Variants in NFYC observed in about 807,000 individuals in gnomAD.
NFYC encodes the protein nuclear transcription factor Y subunit gamma.
NFYC carries 25 observed loss-of-function variants against 53.1 expected under a neutral mutation model. The observed-to-expected ratio is 0.47, with a 90% CI of 0.34 to 0.66. NFYC has a LOEUF of 0.66. Ranked by LOEUF, NFYC falls within the 30% of genes least tolerant of loss-of-function variation. NFYC has a pLI of 0.01. For synonymous variants in NFYC, 145 were observed against 152.6 expected, an observed-to-expected ratio of 0.95 and a Z score of 0.37; for missense variants, 260 against 422.7, an observed-to-expected ratio of 0.62 and a Z score of 3.38.
chr1:40,771,493 T>G lies in NFYC; in HGVS notation c.*665T>G, dbSNP rs1481648517. On this transcript the variant is annotated 3_prime_UTR_variant, in exon 10 of 10. Transcript: ENST00000447388. ...AGGGACCCAGGAAACTAGGACTTTG[T>G]GTGTTTGCTGCCCACCTCCCTTTTA... 2.4e-5 allele frequency: 11 copies of G among 466,464 alleles called. No homozygotes were observed. Among genetic ancestry groups the G allele is most frequent in the African/African-American group, 1.2e-4 (6 of 49,828 alleles). The allele number at this position is 466,464 out of a possible 1,614,324, so 28.9% of individuals were successfully genotyped here.
intron 2 of NFYC, among the ~76,000 whole-genome samples, chr1:40,740,829 A>G (rs1207792432): frequency 1.3e-5 from 2 of 151,998 alleles, no homozygotes; most frequent in African/African-American, 4.8e-5. Flanking sequence ...CCGCAGCTTG[A>G]GCCGAGAGGC....
intron 1 of NFYC, among the ~76,000 whole-genome samples, chr1:40,730,320 C>T (rs1383117591): frequency 6.7e-6 from 1 of 149,182 alleles, no homozygotes; most frequent in Non-Finnish European, 1.5e-5. Context: ...GGATTACAGG[C>T]GTGAGCCACC....
intron 2 of NFYC, among the ~76,000 whole-genome samples, chr1:40,747,183 T>C (rs954047860): frequency 1.6e-5 from 2 of 126,052 alleles, no homozygotes; most frequent in Admixed American, 8.1e-5. Flanking sequence ...TATTGCAGAC[T>C]GGTAAACTTA....
chr1:40,692,038 C>G (rs1240354336), intron 1 of NFYC, 171 bp downstream of exon 1: 1 of 189,836 alleles, frequency 5.3e-6, no homozygotes, highest in Non-Finnish European at 1.2e-5. Context: ...CCGCTGCTGT[C>G]GCCGCCGCCG....
intron 1 of NFYC, among the ~76,000 whole-genome samples, chr1:40,699,377 A>G (rs1643321093): frequency 1.3e-5 from 2 of 152,224 alleles, no homozygotes; most frequent in South Asian, 4.1e-4. Flanking sequence ...TTAAGAAGAT[A>G]TATCCCTTTG....
chr1:40,706,655 T>TA (rs1186717166), intron 1 of NFYC, among the ~76,000 whole-genome samples: 3 of 150,892 alleles, frequency 2.0e-5, no homozygotes, highest in Middle Eastern at 3.4e-3. Flanking sequence ...AATGTGTTGC[T>TA]AAAAAAAAAT....
chr1:40,697,167 A>C (rs916074894), intron 1 of NFYC, among the ~76,000 whole-genome samples: 1 of 152,222 alleles, frequency 6.6e-6, no homozygotes, highest in East Asian at 1.9e-4. Flanking sequence ...AAATGAATAT[A>C]ATAGCGTGTG....
intron 1 of NFYC, among the ~76,000 whole-genome samples, chr1:40,703,374 C>T (rs765920446): frequency 6.7e-6 from 1 of 149,362 alleles, no homozygotes; most frequent in African/African-American, 2.5e-5. Flanking sequence ...TGCCTGTGCT[C>T]CTAGTTATTC....
At chr1:40,707,849 C>CAAAA (rs56325253) in intron 1 of NFYC, among the ~76,000 whole-genome samples, 2 of 99,478 alleles carry the variant, frequency 2.0e-5, no homozygotes, top group Non-Finnish European at 4.0e-5. Flanking sequence ...GACCCTATCT[C>CAAAA]AAAAAAAAAA....
intron 4 of NFYC, among the ~76,000 whole-genome samples, chr1:40,750,208 A>C (rs575824904): frequency 6.6e-6 from 1 of 151,868 alleles, no homozygotes; most frequent in South Asian, 2.1e-4. Context: ...CTGTATGCAG[A>C]GCCCTTGGTC....
Position 40,757,413 on chromosome 1 carries a change from C to T in NFYC, c.388-708C>T, listed in dbSNP as rs113261605. 2.3e-3 allele frequency: 1,194 copies of T among 524,224 alleles called. 12 individuals carry two copies. Among genetic ancestry groups the T allele is most frequent in the African/African-American group, 0.021 (1,075 of 51,976 alleles). 32.5% of individuals were successfully genotyped at this position (524,224 alleles called of 1,614,324 possible). ...AAGGAACAGTCTCCACTCCGCAGAT[C>T]GGACAGAATGCGACCTCCCTAATCA... On this transcript the variant is annotated intron_variant, in intron 5 of 9. Coordinates refer to ENST00000447388, the MANE Select transcript of NFYC (RefSeq NM_014223.5).
chr1:40,730,372 T>TC (rs1352292440), intron 1 of NFYC, among the ~76,000 whole-genome samples: 2 of 152,064 alleles, frequency 1.3e-5, no homozygotes, highest in African/African-American at 2.4e-5. Flanking sequence ...GTGAGACTGT[T>TC]CTTTTACTTG....
intron 1 of NFYC, among the ~76,000 whole-genome samples, chr1:40,721,930 G>C (rs1644343460): frequency 1.3e-5 from 2 of 152,096 alleles, no homozygotes; most frequent in Admixed American, 1.3e-4. Flanking sequence ...CAGCACTTTG[G>C]GAGGCCAAGG....
chr1:40,716,052 G>A (rs556658667), intron 1 of NFYC, among the ~76,000 whole-genome samples: 1 of 152,146 alleles, frequency 6.6e-6, no homozygotes, highest in South Asian at 2.1e-4. Flanking sequence ...ATTTTCTTCT[G>A]TCTACCTAAG....
At chr1:40,713,327 G>C (rs1644006121) in intron 1 of NFYC, among the ~76,000 whole-genome samples, 3 of 152,222 alleles carry the variant, frequency 2.0e-5, no homozygotes, top group Non-Finnish European at 4.4e-5. Flanking sequence ...TATTCAGACA[G>C]AATGAGGTTT....
Position 40,718,342 on chromosome 1 carries a change from T to C in NFYC, c.-8-20494T>C, listed in dbSNP as rs188868226. Among the ~76,000 whole-genome samples the C allele has an allele frequency of 1.3e-4, 20 of 152,366 alleles. No individual in the cohort carries two copies. The East Asian group carries it at 3.9e-3, about 29-fold the overall frequency. On this transcript the variant is annotated intron_variant, in intron 1 of 9. Coordinates refer to ENST00000447388, the MANE Select transcript of NFYC (RefSeq NM_014223.5). ...CCTAGTGACAAAGGCTTTTGCTCTTTATACTGCACTTTCTTACCATATATG... is the reference window on the plus strand; with the variant it reads ...CCTAGTGACAAAGGCTTTTGCTCTTCATACTGCACTTTCTTACCATATATG...
intron 1 of NFYC, among the ~76,000 whole-genome samples, chr1:40,715,967 C>T (rs980048309): frequency 6.6e-6 from 1 of 152,208 alleles, no homozygotes; most frequent in Non-Finnish European, 1.5e-5. Flanking sequence ...CCGTTTTGGT[C>T]TGTTTCCATA....
chr1:40,729,242 G>A (rs748373056), intron 1 of NFYC, among the ~76,000 whole-genome samples: 31 of 152,180 alleles, frequency 2.0e-4, no homozygotes, highest in Non-Finnish European at 2.9e-4. Context: ...CATTTTGTCT[G>A]CACTGAAATT....
chr1:40,716,276 C>T (rs868694504), intron 1 of NFYC, among the ~76,000 whole-genome samples: 1 of 152,136 alleles, frequency 6.6e-6, no homozygotes, highest in African/African-American at 2.4e-5. Flanking sequence ...GGGAGACGTT[C>T]GCTTAGGAAT....
Sources: gnomAD v4.1 joint callset for allele counts (sites outside exome capture counted in the v4.1 genomes callset) on GRCh38, gnomAD v4.1.1 for gene constraint, MANE v1.5 for transcripts, NCBI Gene and HGNC (gene_info 2026-07-23, HGNC 2026-07-21) for gene names.